TUBGCP3: variants seen among roughly 807,000 people sequenced by gnomAD.
TUBGCP3 encodes tubulin gamma complex component 3.
Under a neutral mutation model 123.1 loss-of-function variants are expected in TUBGCP3, and 50 were observed. The ratio of observed to expected loss-of-function variants is 0.41; its 90% CI spans 0.32 to 0.51. TUBGCP3 has a LOEUF of 0.51. Among genes scored for constraint, TUBGCP3 ranks in the 20% least tolerant of loss-of-function variants. TUBGCP3 has a pLI of 0.36. For missense variants in TUBGCP3, 882 were observed against 1,127.0 expected, an observed-to-expected ratio of 0.78 and a Z score of 3.11; for synonymous variants, 405 against 413.9, an observed-to-expected ratio of 0.98 and a Z score of 0.26.
In TUBGCP3 at chr13:112,487,083, C is replaced by CTGTG. The variant is rs373263012; in HGVS notation, c.2566-936_2566-933dup. Among the ~76,000 whole-genome samples, 345 of 77,260 alleles carry CTGTG rather than the reference C, an allele frequency of 4.5e-3. 4 individuals are homozygous for CTGTG. Among genetic ancestry groups the CTGTG allele is most frequent in the South Asian group, 0.029 (52 of 1,812 alleles). The allele number at this position is 77,260 out of a possible 152,430, so 50.7% of individuals were successfully genotyped here. A position where few individuals can be genotyped will look rare whatever the true frequency, so the allele number is the denominator to read the frequency against. On this transcript the variant is annotated intron_variant, in intron 21 of 21. Coordinates refer to ENST00000261965, the MANE Select transcript of TUBGCP3 (RefSeq NM_006322.6). ...TGTGTGTGTGTGTGTGTGTGTGTGT[C>CTGTG]TGTGTGTGTGTGTGTGTGTATCACT...
At chr13:112,562,341 A>G (rs1373082349) in intron 3 of TUBGCP3, among the ~76,000 whole-genome samples, 1 of 152,228 alleles carries the variant, frequency 6.6e-6, no homozygotes, top group Admixed American at 6.5e-5. Flanking sequence ...ACCACCAGCC[A>G]GAAGCCACTA....
Position 112,504,100 on chromosome 13 carries a change from T to C in TUBGCP3, c.2239A>G (p.Ile747Val), listed in dbSNP as rs1881113109. The C allele has an allele frequency of 6.2e-7, 1 of 1,614,162 alleles. No homozygotes were observed. Among genetic ancestry groups the C allele is most frequent in the Non-Finnish European group, 8.5e-7 (1 of 1,180,028 alleles). ...KVQQAQDLDH[I>V]IAAHEVFLDT... ...AAGAACACCTCGTGTGCAGCAATGA[T>C]GTGATCCAAATCCTGGGCCTGCTGG... The change falls in exon 19 of 22, where the codon ATC becomes GTC. Residue 747 changes from isoleucine (I) to valine (V), a missense_variant. This residue lies in a region of TUBGCP3 where 160 missense variants were observed against 220.3 expected (regional missense o/e 0.73). Coordinates refer to ENST00000261965, the MANE Select transcript of TUBGCP3 (RefSeq NM_006322.6).
intron 4 of TUBGCP3, among the ~76,000 whole-genome samples, chr13:112,559,034 T>G (rs1341636191): frequency 6.6e-6 from 1 of 152,240 alleles, no homozygotes; most frequent in Non-Finnish European, 1.5e-5. Flanking sequence ...CTATCAGTGC[T>G]GATATTAGTA....
intron 17 of TUBGCP3, among the ~76,000 whole-genome samples, chr13:112,514,527 A>G (rs555598852): frequency 6.6e-6 from 1 of 152,328 alleles, no homozygotes; most frequent in South Asian, 2.1e-4. Flanking sequence ...TTTTAAAAGC[A>G]TAACATTTAA....
intron 21 of TUBGCP3, 98 bp from the exon 22 acceptor site, chr13:112,486,249 T>C: frequency 7.0e-7 from 1 of 1,426,822 alleles, no homozygotes; most frequent in Non-Finnish European, 9.5e-7. Flanking sequence ...GGTCTGTTTT[T>C]CCTTCCAGAT....
chr13:112,505,069 C>T (rs532947684), intron 17 of TUBGCP3, among the ~76,000 whole-genome samples: 2 of 152,260 alleles, frequency 1.3e-5, no homozygotes, highest in African/African-American at 2.4e-5. Flanking sequence ...AATTAGTTTG[C>T]CTGCTGTGCA....
chr13:112,554,810 A>G, intron 7 of TUBGCP3, 77 bp downstream of exon 7: 1 of 1,037,266 alleles, frequency 9.6e-7, no homozygotes, highest in Non-Finnish European at 1.4e-6. Context: ...CACCTTATCA[A>G]TCAACAGCCA....
the TUBGCP3 span, among the ~76,000 whole-genome samples, chr13:112,599,562 A>G: frequency 6.6e-6 from 1 of 152,156 alleles, no homozygotes; most frequent in Non-Finnish European, 1.5e-5. Context: ...GCTGGAGTGC[A>G]GTGGCGTGGT....
chr13:112,565,888 T>C (rs1412416171), intron 2 of TUBGCP3, among the ~76,000 whole-genome samples: 2 of 146,022 alleles, frequency 1.4e-5, no homozygotes, highest in East Asian at 4.1e-4. Flanking sequence ...TGAGCCAAGA[T>C]CACACCACTG....
At chr13:112,549,331 T>C (rs2139186616) in intron 8 of TUBGCP3, among the ~76,000 whole-genome samples, 1 of 151,352 alleles carries the variant, frequency 6.6e-6, no homozygotes, top group Non-Finnish European at 1.5e-5. Context: ...CCGGGGCCTG[T>C]TGTGGGGTGG....
chr13:112,518,477 CAT>C (rs1876345589), intron 16 of TUBGCP3, among the ~76,000 whole-genome samples: 2 of 152,180 alleles, frequency 1.3e-5, no homozygotes, highest in Non-Finnish European at 2.9e-5. Context: ...TAATTGCAGA[CAT>C]GTAAAAAGAC....
intron 21 of TUBGCP3, among the ~76,000 whole-genome samples, chr13:112,487,203 G>C (rs1879744299): frequency 6.6e-6 from 1 of 152,098 alleles, no homozygotes; most frequent in African/African-American, 2.4e-5. Flanking sequence ...TGATGAAACT[G>C]AAATACAACG....
intron 11 of TUBGCP3, among the ~76,000 whole-genome samples, chr13:112,529,258 C>T (rs1877377665): frequency 6.6e-6 from 1 of 152,192 alleles, no homozygotes; most frequent in Non-Finnish European, 1.5e-5. Context: ...TTTTTCTTTA[C>T]TGGCCGAGCC....
rs1218486717 is a variant in TUBGCP3 at position 112,519,832 on chromosome 13, C to T, written c.1881+54G>A. 4.4e-6 allele frequency: 7 copies of T among 1,586,566 alleles called. No homozygotes were observed. Among genetic ancestry groups the T allele is most frequent in the Non-Finnish European group, 6.0e-6 (7 of 1,164,896 alleles). On this transcript the variant is annotated intron_variant, in intron 15 of 21. Transcript: ENST00000261965. The surrounding 1 kb of genome is among the most constrained non-coding windows in gnomAD (Gnocchi z 6.2). ...GAAAACACTCGCTAGAACACCCCGG[C>T]CCAGTGGGTCCTCGGTGCCGGGGCG...
chr13:112,565,779 C>G lies in TUBGCP3; in HGVS notation c.185-601G>C, dbSNP rs548326781. Among the ~76,000 whole-genome samples, 51 of 152,100 alleles carry G rather than the reference C, an allele frequency of 3.4e-4. 1 individual carries two copies. In the South Asian group the frequency reaches 0.01, roughly 31 times the overall value. On this transcript the variant is annotated intron_variant, in intron 2 of 21. Transcript: ENST00000261965. ...GAAACCGAGTCTCTACTAAAAAATA[C>G]AAAAAATTAGCTGGGTGTGTTAGCG...
intron 10 of TUBGCP3, chr13:112,546,189 T>C (rs1205477700): frequency 4.0e-6 from 1 of 247,658 alleles, no homozygotes; most frequent in Non-Finnish European, 8.0e-6. Flanking sequence ...ATGCCTTTTC[T>C]ACTTGAGACA....
intron 1 of TUBGCP3, among the ~76,000 whole-genome samples, chr13:112,581,320 A>C (rs927153197): frequency 1.5e-5 from 2 of 136,942 alleles, no homozygotes; most frequent in Non-Finnish European, 3.1e-5. Flanking sequence ...GTGGGGTCAC[A>C]GGGTCGGGGT....
chr13:112,522,346 A>G lies in TUBGCP3; in HGVS notation c.1719T>C (p.Phe573=), dbSNP rs1203633903. Residue 573 remains phenylalanine, a synonymous_variant, in exon 14 of 22, where the codon TTT becomes TTC. Coordinates refer to ENST00000261965, the MANE Select transcript of TUBGCP3 (RefSeq NM_006322.6). ...RRYLLLGQGD[F]IRHLMDLLKP... The stretch of plus-strand genomic sequence containing the variant: ...TTAGCAAGTCCATTAAGTGCCTTAT[A>G]AAGTCTCCTTGACCAAGAAGCAGGT... 6.2e-7 allele frequency: 1 copy of G among 1,608,264 alleles called. No homozygotes were observed. The highest frequency in any genetic ancestry group is 8.5e-7 in the Non-Finnish European group (1 of 1,175,486).
At chr13:112,599,676 A>AT in the TUBGCP3 span, among the ~76,000 whole-genome samples, 1 of 150,656 alleles carries the variant, frequency 6.6e-6, no homozygotes, top group East Asian at 2.0e-4. Context: ...CCGCCAAGTT[A>AT]TTTTTATTTT....
Sources: gnomAD v4.1 joint callset for allele counts (sites outside exome capture counted in the v4.1 genomes callset) on GRCh38, gnomAD v4.1.1 for gene constraint, gnomAD v4.1.1 regional missense constraint, Gnocchi (gnomAD v3.1) non-coding constraint, MANE v1.5 for transcripts, NCBI Gene and HGNC (gene_info 2026-07-23, HGNC 2026-07-21) for gene names.